BCAS3: variants seen among roughly 807,000 people sequenced by gnomAD.
BCAS3 encodes BCAS3 microtubule associated cell migration factor.
A neutral mutation model predicts 116.1 loss-of-function variants in BCAS3; 53 were observed. The observed-to-expected ratio is 0.46, with a 90% CI of 0.37 to 0.57. BCAS3 has a LOEUF of 0.57. BCAS3 is among the 20% of genes least tolerant of loss of function. The probability of loss-of-function intolerance (pLI) is 0.00; values close to 1 mark genes in which losing one functional copy is unlikely to be tolerated. For missense variants in BCAS3, 917 were observed against 1,165.4 expected (o/e 0.79, Z 3.10); for synonymous variants, 391 against 408.2 (o/e 0.96, Z 0.51).
Position 61,151,905 on chromosome 17 carries a change from A to G in BCAS3, c.2425+67341A>G, listed in dbSNP as rs9303439. On this transcript the variant is annotated intron_variant, in intron 22 of 23. Transcript: ENST00000407086. This position sits in a 1 kb window ranked among gnomAD's most constrained non-coding sequence, Gnocchi z 4.8. ...CCTAAAATGCACCAGACTTACTATA[A>G]GAAGTATGGCAAGCACCAGCTCCAC... Among the ~76,000 whole-genome samples the G allele has an allele frequency of 0.85, 128,823 of 152,162 alleles. 58,719 individuals are homozygous for G. Among genetic ancestry groups the G allele is most frequent in the East Asian group, 1 (5,178 of 5,178 alleles).
chr17:61,078,121 G>T (rs2072204187), intron 20 of BCAS3, among the ~76,000 whole-genome samples: 1 of 152,104 alleles, frequency 6.6e-6, no homozygotes, highest in Non-Finnish European at 1.5e-5. Flanking sequence ...TGTATTTTTG[G>T]CTTATGTTGA....
intron 5 of BCAS3, among the ~76,000 whole-genome samples, chr17:60,710,805 C>CTTT (rs547993917): frequency 7.4e-6 from 1 of 135,046 alleles, no homozygotes; most frequent in Non-Finnish European, 1.6e-5. Flanking sequence ...CCATTCTGTT[C>CTTT]TTTTTTTTTT....
rs1245672089 is a variant in BCAS3 at position 61,208,811 on chromosome 17, G to T, written c.2425+124247G>T. Among the ~76,000 whole-genome samples, 2 of 151,270 alleles carry T rather than the reference G, an allele frequency of 1.3e-5. No individual in the cohort carries two copies. Among genetic ancestry groups the T allele is most frequent in the Non-Finnish European group, 2.9e-5 (2 of 67,946 alleles). On this transcript the variant is annotated intron_variant, in intron 22 of 23. Transcript: ENST00000407086. The surrounding 1 kb of genome is among the most constrained non-coding windows in gnomAD (Gnocchi z 4.5). ...GCTCGCTGGTGCTCTCTGCAAACTT[G>T]CAGTGCAAGTCTATGATATAAGTGG...
intron 22 of BCAS3, among the ~76,000 whole-genome samples, chr17:61,129,844 G>C (rs1224455648): frequency 6.6e-6 from 1 of 152,178 alleles, no homozygotes; most frequent in Non-Finnish European, 1.5e-5. Context: ...GTCTACAGAA[G>C]CCATTTTTGT....
intron 7 of BCAS3, among the ~76,000 whole-genome samples, chr17:60,859,494 C>A (rs1346302393): frequency 2.0e-5 from 3 of 151,976 alleles, no homozygotes; most frequent in Admixed American, 6.6e-5. Flanking sequence ...TGGCCTCCAG[C>A]TGCATTTATG....
rs1416591074 is a variant in BCAS3, at chr17:61,199,775, A to G, written c.2425+115211A>G. 6.6e-6 allele frequency among the ~76,000 whole-genome samples: 1 copy of G among 152,204 alleles called. No homozygotes were observed. The highest frequency in any genetic ancestry group is 1.9e-4 in the East Asian group (1 of 5,196). On this transcript the variant is annotated intron_variant, in intron 22 of 23. Transcript: ENST00000407086. The surrounding 1 kb of genome is among the most constrained non-coding windows in gnomAD (Gnocchi z 4.6). Reference sequence around the variant, plus strand: ...CATGCCAGGAATGTTGTCCTCAGCAATAGATCCTATCTCTATCCCTTTTCC... The same window carrying G: ...CATGCCAGGAATGTTGTCCTCAGCAGTAGATCCTATCTCTATCCCTTTTCC...
In BCAS3 at chr17:61,077,068, T is replaced by C. The variant is rs765107292; in HGVS notation, c.2131-1265T>C. ...ATTACATAAAGTATTTGCACAGGCA[T>C]GAATGTACCATTGACAAGACATTTA... On this transcript the variant is annotated intron_variant, in intron 20 of 23. Coordinates refer to ENST00000407086, the MANE Select transcript of BCAS3 (RefSeq NM_017679.5). This position sits in a 1 kb window ranked among gnomAD's most constrained non-coding sequence, Gnocchi z 4.3. Among the ~76,000 whole-genome samples, 1 of 151,980 alleles carries C rather than the reference T, an allele frequency of 6.6e-6. No homozygotes were observed.
chr17:61,194,127 A>G (rs1433272777), intron 22 of BCAS3, among the ~76,000 whole-genome samples: 1 of 152,118 alleles, frequency 6.6e-6, no homozygotes, highest in Non-Finnish European at 1.5e-5. Flanking sequence ...AGAAAAAGAA[A>G]AGAAAGGAAA....
chr17:60,864,705 G>A (rs1195291966), intron 7 of BCAS3, among the ~76,000 whole-genome samples: 1 of 152,176 alleles, frequency 6.6e-6, no homozygotes, highest in Non-Finnish European at 1.5e-5. Flanking sequence ...GTGATGTGGT[G>A]TAAGAGGTCT....
At chr17:61,174,371 C>T (rs2144133608) in intron 22 of BCAS3, among the ~76,000 whole-genome samples, 1 of 152,328 alleles carries the variant, frequency 6.6e-6, no homozygotes, top group Middle Eastern at 3.4e-3. Flanking sequence ...CTTCTGTGAA[C>T]TTGATTGTTT....
chr17:61,107,831 G>T (rs1021164531), intron 22 of BCAS3, among the ~76,000 whole-genome samples: 1 of 152,170 alleles, frequency 6.6e-6, no homozygotes, highest in East Asian at 1.9e-4. Flanking sequence ...TCATGTAAAG[G>T]TTTTCATGTA....
chr17:60,883,545 T>C (rs2056377565), intron 9 of BCAS3, among the ~76,000 whole-genome samples: 1 of 30,692 alleles, frequency 3.3e-5, no homozygotes, highest in South Asian at 1.1e-3. Flanking sequence ...ATGCTTCCAG[T>C]TTTTGCCCAT....
intron 10 of BCAS3, among the ~76,000 whole-genome samples, chr17:60,901,065 T>G (rs1668970994): frequency 6.6e-6 from 1 of 151,498 alleles, no homozygotes; most frequent in Admixed American, 6.6e-5. Context: ...ACAAAAAAAA[T>G]CCAGGCGTGG....
At chr17:61,192,246 C>CAAAAAAAA (rs60456812) in intron 22 of BCAS3, among the ~76,000 whole-genome samples, 71 of 70,646 alleles carry the variant, frequency 1.0e-3, no homozygotes, top group African/African-American at 2.1e-3. Flanking sequence ...GCTCTGTTAC[C>CAAAAAAAA]AAAAAAAAAA....
rs1381257737 is a variant in BCAS3 at position 61,019,442 on chromosome 17, G to T, written c.1637+3541G>T. 1.3e-5 allele frequency among the ~76,000 whole-genome samples: 2 copies of T among 152,012 alleles called. No individual in the cohort carries two copies. Among genetic ancestry groups the T allele is most frequent in the Non-Finnish European group, 2.9e-5 (2 of 67,986 alleles). On this transcript the variant is annotated intron_variant, in intron 16 of 23. Transcript: ENST00000407086. This position sits in a 1 kb window ranked among gnomAD's most constrained non-coding sequence, Gnocchi z 5.6. ...TTTTCTGATTGTTCTTTTACTATAA[G>T]TTATCTAAAACATTTAATCATAAAG...
chr17:61,179,561 TA>T (rs1353793636), intron 22 of BCAS3, among the ~76,000 whole-genome samples: 11 of 152,308 alleles, frequency 7.2e-5, no homozygotes, highest in Middle Eastern at 3.4e-3. Flanking sequence ...GAAGAGTTAA[TA>T]AACACCAAGA....
rs144270318 is a variant in BCAS3, at chr17:61,355,083, G to A, written c.2426-13244G>A. The A allele has an allele frequency of 6.8e-6, 1 of 146,744 alleles. No individual in the cohort carries two copies. The highest frequency in any genetic ancestry group is 1.5e-5 in the Non-Finnish European group (1 of 66,432). 9.1% of individuals were successfully genotyped at this position (146,744 alleles called of 1,614,324 possible). ...CCAGGCCTGCAAAGCTGGGCCTCCAGACACCTCCGCCAGCTGGGGAGGCAG... is the reference window on the plus strand; with the variant it reads ...CCAGGCCTGCAAAGCTGGGCCTCCAAACACCTCCGCCAGCTGGGGAGGCAG... On this transcript the variant is annotated intron_variant, in intron 22 of 23. Transcript: ENST00000407086. This position sits in a 1 kb window ranked among gnomAD's most constrained non-coding sequence, Gnocchi z 4.2.
intron 6 of BCAS3, among the ~76,000 whole-genome samples, chr17:60,772,950 G>A (rs894181441): frequency 6.6e-6 from 1 of 152,200 alleles, no homozygotes; most frequent in Non-Finnish European, 1.5e-5. Context: ...ATTTGAAAAT[G>A]AGTCTTCAAC....
At chr17:61,266,253 A>G (rs1371713444) in intron 22 of BCAS3, among the ~76,000 whole-genome samples, 1 of 152,206 alleles carries the variant, frequency 6.6e-6, no homozygotes, top group African/African-American at 2.4e-5. Context: ...TTAGAGTAAA[A>G]CATGCAATGC....
Sources: gnomAD v4.1 joint callset for allele counts (sites outside exome capture counted in the v4.1 genomes callset) on GRCh38, gnomAD v4.1.1 for gene constraint, Gnocchi (gnomAD v3.1) non-coding constraint, MANE v1.5 for transcripts, NCBI Gene and HGNC (gene_info 2026-07-23, HGNC 2026-07-21) for gene names.